The following WDR64 variants were observed in gnomAD, a reference collection of about 807,000 sequenced individuals.
WDR64 encodes the protein WD repeat-containing protein 64.
Under a neutral mutation model 139.3 loss-of-function variants are expected in WDR64, and 112 were observed. That is an observed-to-expected ratio of 0.80 (90% CI 0.69 to 0.94). The LOEUF is 0.94. Among genes scored for constraint, WDR64 ranks in the 40% least tolerant of loss-of-function variants. The pLI, the probability that WDR64 is intolerant of heterozygous loss-of-function variation, is 0.00. For missense variants in WDR64, 1,206 were observed against 1,293.1 expected, an observed-to-expected ratio of 0.93 and a Z score of 1.03; for synonymous variants, 444 against 437.7, an observed-to-expected ratio of 1.01 and a Z score of -0.18.
At chr1:241,800,742 T>C (rs964349013) in intron 27 of WDR64, among the ~76,000 whole-genome samples, 4 of 152,222 alleles carry the variant, frequency 2.6e-5, no homozygotes, top group African/African-American at 9.6e-5. Context: ...CAACCGACTC[T>C]GATGTTATTA....
chr1:241,708,597 A>C, intron 8 of WDR64, among the ~76,000 whole-genome samples: 1 of 151,920 alleles, frequency 6.6e-6, no homozygotes, highest in Admixed American at 6.6e-5. Context: ...TACAGGCATG[A>C]GCCACTGCAC....
At chr1:241,741,449 G>T in intron 11 of WDR64, 67 bp from the exon 12 acceptor site, 1 of 1,462,110 alleles carries the variant, frequency 6.8e-7, no homozygotes, top group Non-Finnish European at 9.1e-7. Context: ...CAACTGCTTG[G>T]CTGAAACCCT....
chr1:241,696,630 G>C (rs1156602066), intron 8 of WDR64, among the ~76,000 whole-genome samples: 1 of 152,092 alleles, frequency 6.6e-6, no homozygotes, highest in African/African-American at 2.4e-5. Flanking sequence ...GTAACTTCCT[G>C]ACATTGTCCT....
intron 14 of WDR64, among the ~76,000 whole-genome samples, chr1:241,755,348 T>C (rs551310226): frequency 7.8e-4 from 119 of 152,378 alleles, no homozygotes; most frequent in Non-Finnish European, 1.1e-3. Context: ...TCATGTTTGT[T>C]GGCTGCATAA....
At chr1:241,771,933 C>CAT (rs1658452649) in intron 19 of WDR64, among the ~76,000 whole-genome samples, 1 of 73,490 alleles carries the variant, frequency 1.4e-5, no homozygotes, top group Non-Finnish European at 2.9e-5. Context: ...CATACATATA[C>CAT]ATACATACAT....
At position 241,683,189 on chromosome 1, in the gene WDR64, A is replaced by G. The variant is rs146795458; in HGVS notation, c.625-298A>G. On this transcript the variant is annotated intron_variant, in intron 6 of 27. Transcript: ENST00000437684. ...GTTATGCTTACTTTAATGTTTTCTT[A>G]TAAATCCAAAAAAAGGCCATTTACA... Among the ~76,000 whole-genome samples, 546 of 152,252 alleles carry G rather than the reference A, an allele frequency of 3.6e-3. 5 individuals carry two copies. The highest frequency in any genetic ancestry group is 0.013 in the African/African-American group (535 of 41,554).
intron 24 of WDR64, among the ~76,000 whole-genome samples, chr1:241,789,872 C>T (rs1659161146): frequency 6.6e-6 from 1 of 151,912 alleles, no homozygotes; most frequent in Admixed American, 6.6e-5. Flanking sequence ...ACATGTACCA[C>T]TGAACTTAAA....
In WDR64 at chr1:241,678,226, C is replaced by A. The variant is rs1344674107; in HGVS notation, c.513+10C>A. On this transcript the variant is annotated intron_variant, in intron 5 of 27. Transcript: ENST00000437684. ...CAGCACCAATGTTACAGTAAGTACA[C>A]TTTAAAAATTCCTAATTAAGTCAAA... is the stretch of plus-strand genomic sequence containing the variant. The A allele has an allele frequency of 2.5e-6, 1 of 398,776 alleles. No individual in the cohort carries two copies. Among genetic ancestry groups the A allele is most frequent in the African/African-American group, 2.1e-5 (1 of 48,612 alleles). 24.7% of individuals were successfully genotyped at this position (398,776 alleles called of 1,614,324 possible). A position where few individuals can be genotyped will look rare whatever the true frequency, so the allele number is the denominator to read the frequency against.
intron 23 of WDR64, among the ~76,000 whole-genome samples, chr1:241,785,599 A>G (rs918654013): frequency 6.6e-6 from 1 of 152,200 alleles, no homozygotes; most frequent in African/African-American, 2.4e-5. Flanking sequence ...AATTAATTTT[A>G]TGATTTCTTA....
chr1:241,800,484 A>C (rs544225776), intron 27 of WDR64, among the ~76,000 whole-genome samples: 2 of 152,200 alleles, frequency 1.3e-5, no homozygotes, highest in African/African-American at 4.8e-5. Flanking sequence ...TAATCAATGC[A>C]AAACAAACTT....
intron 9 of WDR64, among the ~76,000 whole-genome samples, chr1:241,715,907 CATTAT>C (rs1668384210): frequency 1.3e-5 from 2 of 152,138 alleles, no homozygotes; most frequent in South Asian, 4.1e-4. Flanking sequence ...CCTCAGTGTT[CATTAT>C]ATTATAAGAC....
At chr1:241,730,828 T>C (rs1669048704) in intron 10 of WDR64, among the ~76,000 whole-genome samples, 1 of 152,220 alleles carries the variant, frequency 6.6e-6, no homozygotes, top group South Asian at 2.1e-4. Flanking sequence ...CCCCAAATCT[T>C]TGATGACCAA....
chr1:241,661,952 G>C (rs1286842666), intron 2 of WDR64, among the ~76,000 whole-genome samples: 2 of 152,154 alleles, frequency 1.3e-5, no homozygotes, highest in Non-Finnish European at 2.9e-5. Context: ...TTTGATAGAG[G>C]CTGAATGGCC....
chr1:241,680,358 T>G (rs1666731859), intron 6 of WDR64, among the ~76,000 whole-genome samples: 1 of 152,220 alleles, frequency 6.6e-6, no homozygotes, highest in Non-Finnish European at 1.5e-5. Context: ...TGTAACCAAC[T>G]AGTGATGCCA....
chr1:241,802,252 C>G lies in WDR64; in HGVS notation c.*1037C>G. On this transcript the variant is annotated 3_prime_UTR_variant, in exon 28 of 28. Transcript: ENST00000437684. ...ATGCTAATGCATGCATTAACATAGA[C>G]CAATCTCAAGAATATGTTAAGTCAA... The G allele has an allele frequency of 2.5e-6, 1 of 398,036 alleles. No homozygotes were observed. Among genetic ancestry groups the G allele is most frequent in the East Asian group, 3.6e-5 (1 of 27,966 alleles). The allele number at this position is 398,036 out of a possible 1,614,324, so 24.7% of individuals were successfully genotyped here. A position where few individuals can be genotyped will look rare whatever the true frequency, so the allele number is the denominator to read the frequency against.
At chr1:241,759,594 T>A (rs1670345968) in intron 15 of WDR64, among the ~76,000 whole-genome samples, 1 of 152,188 alleles carries the variant, frequency 6.6e-6, no homozygotes, top group Admixed American at 6.5e-5. Flanking sequence ...CTCTACCTTC[T>A]TAAGCAAATG....
At position 241,679,017 on chromosome 1, in the gene WDR64, T is replaced by C. The variant is rs79063382; in HGVS notation, c.514-468T>C. Among the ~76,000 whole-genome samples, 1,352 of 152,280 alleles carry C rather than the reference T, an allele frequency of 8.9e-3. 17 individuals carry two copies. Among genetic ancestry groups the C allele is most frequent in the Middle Eastern group, 0.027 (8 of 294 alleles). On this transcript the variant is annotated intron_variant, in intron 5 of 27. Transcript: ENST00000437684. Reference sequence around the variant, plus strand: ...TTGTTGATATTACAAATCCTAGCCATGCCAGCTTGGTGTCTTTAGGTAGGA... The same window carrying C: ...TTGTTGATATTACAAATCCTAGCCACGCCAGCTTGGTGTCTTTAGGTAGGA...
chr1:241,692,028 T>TAAAA (rs77284427), intron 8 of WDR64, among the ~76,000 whole-genome samples: 5 of 113,782 alleles, frequency 4.4e-5, no homozygotes, highest in East Asian at 4.7e-4. Flanking sequence ...AATAAAAAAA[T>TAAAA]AAAAAAAAAA....
intron 24 of WDR64, among the ~76,000 whole-genome samples, chr1:241,788,599 G>T (rs1253024999): frequency 6.6e-6 from 1 of 152,174 alleles, no homozygotes; most frequent in African/African-American, 2.4e-5. Context: ...CAAAAGTAAA[G>T]TCCTTCAGGG....
Sources: allele counts gnomAD v4.1 joint callset (sites outside exome capture counted in the v4.1 genomes callset), GRCh38; gene constraint gnomAD v4.1.1; transcripts MANE v1.5; gene names NCBI Gene and HGNC (gene_info 2026-07-23, HGNC 2026-07-21).